CHODL: variants seen among roughly 807,000 people sequenced by gnomAD.
CHODL encodes the protein chondrolectin.
Under a neutral mutation model 34.5 loss-of-function variants are expected in CHODL, and 29 were observed. That is an observed-to-expected ratio of 0.84 (90% CI 0.63 to 1.15). The LOEUF is 1.15. Among genes scored for constraint, CHODL ranks in the 50% most tolerant of loss-of-function variants. CHODL has a pLI of 0.00. For synonymous variants in CHODL, 125 were observed against 116.1 expected (o/e 1.08, Z -0.49); for missense variants, 332 against 332.5 (o/e 1.00, Z 0.01).
intron 2 of CHODL, among the ~76,000 whole-genome samples, chr21:18,088,649 CCTTA>C (rs2065036721): frequency 6.6e-6 from 1 of 152,178 alleles, no homozygotes. Flanking sequence ...CAAACCCTTC[CCTTA>C]CTTCTGTTGA....
chr21:18,225,222 A>T (rs748582750), intron 2 of CHODL, among the ~76,000 whole-genome samples: 1 of 152,160 alleles, frequency 6.6e-6, no homozygotes, highest in Admixed American at 6.6e-5. Flanking sequence ...TAAGGATGCA[A>T]TTGTTAAGAG....
chr21:18,102,031 T>C (rs996102443), intron 2 of CHODL, among the ~76,000 whole-genome samples: 4 of 152,312 alleles, frequency 2.6e-5, no homozygotes, highest in Admixed American at 1.3e-4. Context: ...TGATTAATGT[T>C]ATGTAATGTA....
intron 1 of CHODL, among the ~76,000 whole-genome samples, chr21:17,964,606 T>C (rs962326781): frequency 6.6e-6 from 1 of 152,254 alleles, no homozygotes; most frequent in Admixed American, 6.5e-5. Flanking sequence ...AAGGTTTGTT[T>C]TGAATCTTTG....
At chr21:18,004,958 G>A (rs1427818167) in intron 1 of CHODL, among the ~76,000 whole-genome samples, 3 of 152,170 alleles carry the variant, frequency 2.0e-5, no homozygotes, top group Non-Finnish European at 4.4e-5. Context: ...AGCCAGTGTG[G>A]TATGCTTATT....
At chr21:18,026,529 C>G (rs1212125881) in intron 1 of CHODL, among the ~76,000 whole-genome samples, 1 of 152,098 alleles carries the variant, frequency 6.6e-6, no homozygotes, top group Non-Finnish European at 1.5e-5. Flanking sequence ...GCACTGTTAG[C>G]CTGTTTTCAT....
chr21:18,101,159 T>C lies in CHODL; in HGVS notation c.-45+73188T>C, dbSNP rs190489931. 3.2e-3 allele frequency among the ~76,000 whole-genome samples: 415 copies of C among 128,434 alleles called. 4 individuals are homozygous for C. The highest frequency in any genetic ancestry group is 9.0e-3 in the Admixed American group (117 of 13,024). The allele number at this position is 128,434 out of a possible 152,430, so 84.3% of individuals were successfully genotyped here. A position where few individuals can be genotyped will look rare whatever the true frequency, so the allele number is the denominator to read the frequency against. On this transcript the variant is annotated intron_variant, in intron 2 of 6. Transcript: ENST00000400127. ...ATGATAGTGAATGGGTCTCACAAGA[T>C]CTGATGGTTTTTAAAAACGGGAGTT...
chr21:18,133,474 C>A (rs2072682578), intron 2 of CHODL, among the ~76,000 whole-genome samples: 2 of 152,100 alleles, frequency 1.3e-5, no homozygotes, highest in South Asian at 4.1e-4. Context: ...CATACCCATG[C>A]ACACACACAT....
intron 2 of CHODL, among the ~76,000 whole-genome samples, chr21:18,229,377 A>G (rs896704671): frequency 6.6e-6 from 1 of 152,140 alleles, no homozygotes; most frequent in Non-Finnish European, 1.5e-5. Context: ...TCTCTTCTCC[A>G]GGCCCTGAGT....
intron 1 of CHODL, among the ~76,000 whole-genome samples, chr21:17,938,162 T>C (rs554194805): frequency 6.6e-6 from 1 of 152,316 alleles, no homozygotes; most frequent in East Asian, 1.9e-4. Flanking sequence ...CTTATCCCAC[T>C]AGGCACCACA....
chr21:18,150,173 A>G lies in CHODL; in HGVS notation c.-44-106336A>G, dbSNP rs181961073. 1.8e-3 allele frequency among the ~76,000 whole-genome samples: 281 copies of G among 152,280 alleles called. 3 individuals carry two copies. Among genetic ancestry groups the G allele is most frequent in the Non-Finnish European group, 7.9e-4 (54 of 68,024 alleles). On this transcript the variant is annotated intron_variant, in intron 2 of 6. Coordinates refer to the CHODL transcript ENST00000400127. ...TATCTAATGACCTGGGATCAATAGA[A>G]AGGAAACGTCTGGGTTAAGATAAAA...
At chr21:17,951,899 G>A (rs1200194382) in intron 1 of CHODL, among the ~76,000 whole-genome samples, 2 of 152,102 alleles carry the variant, frequency 1.3e-5, no homozygotes, top group Non-Finnish European at 2.9e-5. Flanking sequence ...GAGAAAATGA[G>A]AGAATAATAT....
intron 1 of CHODL, among the ~76,000 whole-genome samples, chr21:17,920,321 T>G (rs995455401): frequency 2.0e-5 from 3 of 152,220 alleles, no homozygotes; most frequent in African/African-American, 7.2e-5. Flanking sequence ...TTCACATAGC[T>G]GGGGAGGCCT....
chr21:17,984,960 C>T (rs549561844), intron 1 of CHODL, among the ~76,000 whole-genome samples: 7 of 152,122 alleles, frequency 4.6e-5, no homozygotes, highest in African/African-American at 1.7e-4. Flanking sequence ...GCAGGAATAT[C>T]GCAATATTAT....
Position 17,949,879 on chromosome 21 carries a change from A to G in CHODL, c.-145+32479A>G, listed in dbSNP as rs982105075. On this transcript the variant is annotated intron_variant, in intron 1 of 6. Coordinates refer to the CHODL transcript ENST00000400127. ...GGGGGAGGAGGAAAGTAAAGATGGA[A>G]TATTTCCAGATAACAACCAAGAGAA... Among the ~76,000 whole-genome samples the G allele has an allele frequency of 1.6e-4, 25 of 152,202 alleles. 1 individual carries two copies. The highest frequency in any genetic ancestry group is 6.0e-4 in the African/African-American group (25 of 41,466).
intron 2 of CHODL, among the ~76,000 whole-genome samples, chr21:18,059,681 T>C (rs2064633139): frequency 6.6e-6 from 1 of 152,128 alleles, no homozygotes; most frequent in Non-Finnish European, 1.5e-5. Context: ...GTGTGAGTTG[T>C]TCCCCCTGAC....
At chr21:17,968,822 A>T (rs1028851638) in intron 1 of CHODL, among the ~76,000 whole-genome samples, 21 of 152,178 alleles carry the variant, frequency 1.4e-4, no homozygotes, top group African/African-American at 5.1e-4. Flanking sequence ...ATTCCCCTGT[A>T]CTTGGAACAT....
chr21:18,018,421 G>A lies in CHODL; in HGVS notation c.-144-9451G>A, dbSNP rs868562042. On this transcript the variant is annotated intron_variant, in intron 1 of 6. Transcript: ENST00000400127. ...CATGGGGGTGAATCCCTCATGGCTT[G>A]GTGCTGTCTTTGCAACAGTGAGTGA... Among the ~76,000 whole-genome samples, 13 of 152,210 alleles carry A rather than the reference G, an allele frequency of 8.5e-5. 1 individual carries two copies. In the Middle Eastern group the frequency reaches 0.027, roughly 321 times the overall value.
chr21:18,045,353 A>G (rs192585783), intron 2 of CHODL, among the ~76,000 whole-genome samples: 2 of 152,110 alleles, frequency 1.3e-5, no homozygotes, highest in East Asian at 3.9e-4. Flanking sequence ...AAATGAGATA[A>G]TCCTTGATTA....
chr21:18,111,395 C>G (rs1056714679), intron 2 of CHODL, among the ~76,000 whole-genome samples: 1 of 152,138 alleles, frequency 6.6e-6, no homozygotes, highest in Non-Finnish European at 1.5e-5. Context: ...TACTTACATG[C>G]CAAATCTCAA....
Sources: gnomAD v4.1 joint callset for allele counts (sites outside exome capture counted in the v4.1 genomes callset) on GRCh38, gnomAD v4.1.1 for gene constraint, MANE v1.5 for transcripts, NCBI Gene and HGNC (gene_info 2026-07-23, HGNC 2026-07-21) for gene names.